SNX30: variants seen among roughly 807,000 people sequenced by gnomAD.
SNX30 encodes sorting nexin family member 30.
In SNX30, 24 loss-of-function variants were observed where a neutral mutation model predicts 46.4. The ratio of observed to expected loss-of-function variants is 0.52; its 90% confidence interval spans 0.37 to 0.73. SNX30 has a LOEUF of 0.73. Among genes scored for constraint, SNX30 ranks in the 30% least tolerant of loss-of-function variants. The pLI, the probability that SNX30 is intolerant of heterozygous loss-of-function variation, is 0.00. For synonymous variants in SNX30, 189 were observed against 211.5 expected, an observed-to-expected ratio of 0.89 and a Z score of 0.92; for missense variants, 533 against 555.7, an observed-to-expected ratio of 0.96 and a Z score of 0.41.
At chr9:112,820,041 T>C (rs1840468459) in intron 3 of SNX30, among the ~76,000 whole-genome samples, 1 of 152,216 alleles carries the variant, frequency 6.6e-6, no homozygotes, top group Non-Finnish European at 1.5e-5. Flanking sequence ...AGGTTGATAC[T>C]GGAAGCGCAA....
intron 2 of SNX30, among the ~76,000 whole-genome samples, chr9:112,813,601 G>A (rs185460784): frequency 6.6e-6 from 1 of 151,396 alleles, no homozygotes; most frequent in Non-Finnish European, 1.5e-5. Context: ...CCAGAGTACA[G>A]TAGCTGAGAC....
chr9:112,885,005 A>C (rs1337806788), downstream of SNX30, among the ~76,000 whole-genome samples: 1 of 152,182 alleles, frequency 6.6e-6, no homozygotes, highest in African/African-American at 2.4e-5. Flanking sequence ...CTCATACGAA[A>C]ACAGGAACAC....
chr9:112,806,863 A>G (rs1340503130), intron 2 of SNX30, among the ~76,000 whole-genome samples: 2 of 152,104 alleles, frequency 1.3e-5, no homozygotes, highest in African/African-American at 4.8e-5. Flanking sequence ...ATTTCAGTGT[A>G]ATGTTGCTTT....
chr9:112,815,848 C>T (rs1434186745), intron 2 of SNX30, among the ~76,000 whole-genome samples: 53 of 151,976 alleles, frequency 3.5e-4, no homozygotes, highest in Admixed American at 3.4e-3. Context: ...TTCCAACCTG[C>T]TTTTGTTTTT....
At chr9:112,755,838 T>C (rs1839339941) in intron 1 of SNX30, among the ~76,000 whole-genome samples, 1 of 151,928 alleles carries the variant, frequency 6.6e-6, no homozygotes, top group Non-Finnish European at 1.5e-5. Flanking sequence ...AAGGGATATG[T>C]TCTATAAACA....
intron 3 of SNX30, among the ~76,000 whole-genome samples, chr9:112,827,540 G>T (rs953312025): frequency 3.3e-5 from 5 of 152,120 alleles, no homozygotes; most frequent in Non-Finnish European, 7.4e-5. Flanking sequence ...TGGGGTGTTG[G>T]TGTTACCAAT....
intron 1 of SNX30, among the ~76,000 whole-genome samples, chr9:112,795,717 G>C (rs1277781460): frequency 6.6e-6 from 1 of 150,942 alleles, no homozygotes; most frequent in African/African-American, 2.4e-5. Flanking sequence ...GTCACTACCC[G>C]ACCTGGGGAG....
At chr9:112,808,727 G>A (rs62576406) in intron 2 of SNX30, among the ~76,000 whole-genome samples, 10,377 of 152,278 alleles carry the variant, frequency 0.068, 453 homozygotes, top group Non-Finnish European at 0.099. Flanking sequence ...TTACAAAAAC[G>A]AGTATTTTGT....
At chr9:112,818,199 C>CT (rs10574279) in intron 3 of SNX30, among the ~76,000 whole-genome samples, 81 of 114,386 alleles carry the variant, frequency 7.1e-4, no homozygotes, top group Non-Finnish European at 1.4e-3. Context: ...AAATTTAAAT[C>CT]TTTTTTTTTT....
At chr9:112,806,926 T>G (rs1840233890) in intron 2 of SNX30, among the ~76,000 whole-genome samples, 1 of 152,200 alleles carries the variant, frequency 6.6e-6, no homozygotes, top group Non-Finnish European at 1.5e-5. Context: ...CATGTTCATA[T>G]GACCATGTCT....
intron 1 of SNX30, among the ~76,000 whole-genome samples, chr9:112,779,059 G>T (rs1839800875): frequency 6.6e-6 from 1 of 152,252 alleles, no homozygotes; most frequent in South Asian, 2.1e-4. Flanking sequence ...CGTGGCACTT[G>T]GGGGAATTAC....
At chr9:112,833,254 T>C (rs1218717645) in intron 4 of SNX30, among the ~76,000 whole-genome samples, 5 of 152,176 alleles carry the variant, frequency 3.3e-5, no homozygotes, top group African/African-American at 9.7e-5. Flanking sequence ...AATAACTTGA[T>C]CTTGTTCTGA....
intron 3 of SNX30, among the ~76,000 whole-genome samples, chr9:112,829,827 A>G (rs1564283649): frequency 6.6e-6 from 1 of 151,980 alleles, no homozygotes; most frequent in Non-Finnish European, 1.5e-5. Flanking sequence ...GAAATGGCGT[A>G]TCATGATGGT....
chr9:112,754,352 T>TC (rs1839317656), intron 1 of SNX30, among the ~76,000 whole-genome samples: 1 of 151,730 alleles, frequency 6.6e-6, no homozygotes, highest in South Asian at 2.1e-4. Context: ...ATCCTTTCTA[T>TC]CTACCAGAGG....
intron 3 of SNX30, among the ~76,000 whole-genome samples, chr9:112,821,736 T>A (rs2131428932): frequency 6.6e-6 from 1 of 152,166 alleles, no homozygotes; most frequent in African/African-American, 2.4e-5. Context: ...TCCGCCTGAC[T>A]TGGCTTCCCA....
chr9:112,815,808 C>T (rs918720176), intron 2 of SNX30, among the ~76,000 whole-genome samples: 1 of 152,156 alleles, frequency 6.6e-6, no homozygotes, highest in African/African-American at 2.4e-5. Flanking sequence ...TGGAGCCTAT[C>T]GGGGGGAGAT....
intron 1 of SNX30, among the ~76,000 whole-genome samples, chr9:112,754,436 A>T (rs1588103488): frequency 1.8e-5 from 2 of 113,122 alleles, no homozygotes; most frequent in African/African-American, 7.2e-5. Flanking sequence ...TTTGAGATGG[A>T]GTCTCACTCT....
At chr9:112,808,966 A>T (rs1485821406) in intron 2 of SNX30, among the ~76,000 whole-genome samples, 2 of 152,240 alleles carry the variant, frequency 1.3e-5, no homozygotes. Flanking sequence ...AGAGACAGAG[A>T]TGTTAAGAAA....
chr9:112,851,486 A>G (rs1052535885), intron 7 of SNX30, among the ~76,000 whole-genome samples: 7 of 152,196 alleles, frequency 4.6e-5, no homozygotes, highest in African/African-American at 1.7e-4. Flanking sequence ...AATTGGGGGA[A>G]AAAAGCCAAC....
Sources: allele counts gnomAD v4.1 joint callset (sites outside exome capture counted in the v4.1 genomes callset), GRCh38; gene constraint gnomAD v4.1.1; transcripts MANE v1.5; gene names NCBI Gene and HGNC (gene_info 2026-07-23, HGNC 2026-07-21).